Variants in EEFSEC observed in about 807,000 individuals in gnomAD.
The protein encoded by EEFSEC is selenocysteine-specific elongation factor.
EEFSEC carries 43 observed loss-of-function variants against 42.1 expected under a neutral mutation model. The observed-to-expected ratio is 1.02, with a 90% CI of 0.80 to 1.32. The LOEUF (loss-of-function observed/expected upper bound fraction) is 1.32, where lower values mean the gene tolerates loss of function less well. EEFSEC is among the 40% of genes most tolerant of loss of function. The pLI is 0.00. For synonymous variants in EEFSEC, 354 were observed against 339.1 expected (o/e 1.04, Z -0.48); for missense variants, 745 against 803.6 (o/e 0.93, Z 0.88).
At chr3:128,281,144 C>T (rs1270368680) in intron 4 of EEFSEC, among the ~76,000 whole-genome samples, 1 of 152,234 alleles carries the variant, frequency 6.6e-6, no homozygotes, top group East Asian at 1.9e-4. Context: ...TTCCCTTTAA[C>T]AGGTGAGGGG....
At chr3:128,171,350 A>AT (rs140000802) in intron 1 of EEFSEC, among the ~76,000 whole-genome samples, 3 of 151,614 alleles carry the variant, frequency 2.0e-5, no homozygotes, top group Admixed American at 1.3e-4. Flanking sequence ...TTTATTTTTA[A>AT]TTTTTTTTTA....
At chr3:128,416,780 C>T in the EEFSEC span, among the ~76,000 whole-genome samples, 1 of 152,116 alleles carries the variant, frequency 6.6e-6, no homozygotes, top group Non-Finnish European at 1.5e-5. Context: ...ATGAGGTCCA[C>T]AGCACAAAGG....
intron 4 of EEFSEC, among the ~76,000 whole-genome samples, chr3:128,299,739 C>G (rs763263947): frequency 1.3e-5 from 2 of 152,170 alleles, no homozygotes; most frequent in South Asian, 4.1e-4. Context: ...GCTTTACTTC[C>G]CTCAGCCCTA....
At chr3:128,217,677 C>G (rs1015630871) in intron 1 of EEFSEC, among the ~76,000 whole-genome samples, 1 of 152,182 alleles carries the variant, frequency 6.6e-6, no homozygotes, top group Non-Finnish European at 1.5e-5. Context: ...TGGGGCATAG[C>G]ACCAGCCCCC....
At chr3:128,263,997 A>C (rs1304992917) in intron 3 of EEFSEC, among the ~76,000 whole-genome samples, 1 of 151,974 alleles carries the variant, frequency 6.6e-6, no homozygotes, top group Non-Finnish European at 1.5e-5. Context: ...CCTATGGGGG[A>C]GATAATAAAG....
At chr3:128,219,203 A>G (rs954278713) in intron 1 of EEFSEC, among the ~76,000 whole-genome samples, 2 of 152,150 alleles carry the variant, frequency 1.3e-5, no homozygotes, top group Non-Finnish European at 2.9e-5. Context: ...CTCATCTCCC[A>G]TTGGAGTGAT....
chr3:128,182,887 G>T (rs1373090156), intron 1 of EEFSEC, among the ~76,000 whole-genome samples: 3 of 150,404 alleles, frequency 2.0e-5, no homozygotes, highest in Non-Finnish European at 4.4e-5. Context: ...TCGGGGCGGG[G>T]GGGTGGGGTG....
At chr3:128,373,250 G>C (rs1396300337) in intron 6 of EEFSEC, among the ~76,000 whole-genome samples, 1 of 152,216 alleles carries the variant, frequency 6.6e-6, no homozygotes, top group African/African-American at 2.4e-5. Context: ...GGAGTGTGGA[G>C]TTCCGTGCAA....
At chr3:128,241,232 G>GGTCTCACTCTGTCACCCAGGCTGGA (rs2066068155) in intron 1 of EEFSEC, among the ~76,000 whole-genome samples, 2 of 118,170 alleles carry the variant, frequency 1.7e-5, no homozygotes, top group African/African-American at 6.2e-5. Flanking sequence ...TTTGAGACAG[G>GGTCTCACTCTGTCACCCAGGCTGGA]GTCTCACTCT....
At chr3:128,329,972 A>T (rs188124859) in intron 4 of EEFSEC, among the ~76,000 whole-genome samples, 19 of 152,304 alleles carry the variant, frequency 1.2e-4, no homozygotes, top group Admixed American at 1.2e-3. Flanking sequence ...CATGGCGGTG[A>T]TGGCTTTTCT....
At chr3:128,362,156 G>C (rs1462975289) in intron 6 of EEFSEC, 9 of 491,590 alleles carry the variant, frequency 1.8e-5, no homozygotes, top group Non-Finnish European at 3.8e-5. Flanking sequence ...AGCTCATCTT[G>C]GCAAGCCGTC....
chr3:128,306,506 T>TTTGTTAACG (rs1341974876), intron 4 of EEFSEC, among the ~76,000 whole-genome samples: 1 of 152,384 alleles, frequency 6.6e-6, no homozygotes, highest in South Asian at 2.1e-4. Context: ...CAGTTTTCTA[T>TTTGTTAACG]TTGTTAACGT....
At chr3:128,407,693 G>A (rs1293430701) in intron 6 of EEFSEC, among the ~76,000 whole-genome samples, 2 of 152,218 alleles carry the variant, frequency 1.3e-5, no homozygotes, top group African/African-American at 4.8e-5. Context: ...ACAAGAGGGT[G>A]GAGAAGTGGA....
At chr3:128,184,548 A>G (rs1437903383) in intron 1 of EEFSEC, among the ~76,000 whole-genome samples, 2 of 152,158 alleles carry the variant, frequency 1.3e-5, no homozygotes, top group African/African-American at 4.8e-5. Flanking sequence ...ATATTTTCCC[A>G]TGTTTTAAAA....
chr3:128,389,329 G>A (rs2067880211), intron 6 of EEFSEC, among the ~76,000 whole-genome samples: 1 of 152,236 alleles, frequency 6.6e-6, no homozygotes, highest in South Asian at 2.1e-4. Context: ...ACAGGACACA[G>A]GAGGTCATCC....
At chr3:128,392,325 C>A (rs1468507636) in intron 6 of EEFSEC, among the ~76,000 whole-genome samples, 2 of 152,242 alleles carry the variant, frequency 1.3e-5, no homozygotes, top group Non-Finnish European at 2.9e-5. Context: ...TGACGCAAGT[C>A]ATTCATGCCA....
chr3:128,355,698 C>T (rs550027782), intron 5 of EEFSEC, among the ~76,000 whole-genome samples: 1 of 151,210 alleles, frequency 6.6e-6, no homozygotes, highest in South Asian at 2.1e-4. Context: ...AACATTTACT[C>T]ACACATTCAA....
intron 4 of EEFSEC, among the ~76,000 whole-genome samples, chr3:128,298,072 A>G (rs897824015): frequency 1.3e-5 from 2 of 152,244 alleles, no homozygotes; most frequent in African/African-American, 4.8e-5. Context: ...CACAGGCTTC[A>G]AGAAATCACC....
intron 1 of EEFSEC, among the ~76,000 whole-genome samples, chr3:128,165,122 G>A (rs1004670938): frequency 1.3e-5 from 2 of 152,176 alleles, no homozygotes; most frequent in East Asian, 1.9e-4. Context: ...TTCTAGACCC[G>A]TGGCTCTTGC....
Sources: allele counts gnomAD v4.1 joint callset (sites outside exome capture counted in the v4.1 genomes callset), GRCh38; gene constraint gnomAD v4.1.1; transcripts MANE v1.5; gene names NCBI Gene and HGNC (gene_info 2026-07-23, HGNC 2026-07-21).